Variants in PTPRG observed in about 807,000 individuals in gnomAD.
PTPRG encodes receptor-type tyrosine-protein phosphatase gamma.
Under a neutral mutation model 165.3 loss-of-function variants are expected in PTPRG, and 102 were observed. The observed-to-expected ratio is 0.62, with a 90% CI of 0.53 to 0.73. The LOEUF (loss-of-function observed/expected upper bound fraction) is 0.73, where lower values mean the gene tolerates loss of function less well. Ranked by LOEUF, PTPRG falls within the 30% of genes least tolerant of loss-of-function variation. The pLI is 0.00. For synonymous variants in PTPRG, 675 were observed against 669.5 expected (o/e 1.01, Z -0.13); for missense variants, 1,866 against 1,861.4 (o/e 1.00, Z -0.05).
At chr3:62,145,467 T>G (rs981498267) in intron 6 of PTPRG, among the ~76,000 whole-genome samples, 1 of 152,180 alleles carries the variant, frequency 6.6e-6, no homozygotes, top group African/African-American at 2.4e-5. Flanking sequence ...CCACCATCAC[T>G]GCCCATGTAG....
intron 1 of PTPRG, among the ~76,000 whole-genome samples, chr3:61,632,336 C>G (rs577670787): frequency 7.1e-6 from 1 of 140,574 alleles, no homozygotes; most frequent in Non-Finnish European, 1.5e-5. Context: ...CACACACACA[C>G]AAATCTATAG....
chr3:62,008,341 G>A (rs946797544), intron 4 of PTPRG, among the ~76,000 whole-genome samples: 1 of 152,188 alleles, frequency 6.6e-6, no homozygotes, highest in African/African-American at 2.4e-5. Flanking sequence ...AAGATCACGG[G>A]AGTTGTTGAT....
At chr3:62,205,422 A>G (rs1262904200) in intron 12 of PTPRG, among the ~76,000 whole-genome samples, 1 of 152,238 alleles carries the variant, frequency 6.6e-6, no homozygotes, top group Non-Finnish European at 1.5e-5. Flanking sequence ...TAGGTAACAC[A>G]GACTTCTCTT....
intron 6 of PTPRG, among the ~76,000 whole-genome samples, chr3:62,156,504 G>A (rs1011601651): frequency 3.9e-5 from 6 of 152,124 alleles, no homozygotes; most frequent in African/African-American, 1.4e-4. Flanking sequence ...GCCTTGGTTG[G>A]GCTTCACTTC....
chr3:61,835,295 C>G (rs1256408510), intron 2 of PTPRG, among the ~76,000 whole-genome samples: 1 of 152,142 alleles, frequency 6.6e-6, no homozygotes, highest in African/African-American at 2.4e-5. Flanking sequence ...CTGTTACTTT[C>G]TCCTGCTCCA....
chr3:61,978,654 T>C (rs891857384), intron 2 of PTPRG, among the ~76,000 whole-genome samples: 3 of 152,220 alleles, frequency 2.0e-5, no homozygotes, highest in Admixed American at 6.5e-5. Context: ...ATGTGCTGTA[T>C]TTCTGCCAGG....
At chr3:61,962,196 C>A (rs1406137378) in intron 2 of PTPRG, among the ~76,000 whole-genome samples, 1 of 152,152 alleles carries the variant, frequency 6.6e-6, no homozygotes, top group Non-Finnish European at 1.5e-5. Flanking sequence ...ATATGTTTAA[C>A]ATTGTGGAAG....
At chr3:61,736,451 T>C (rs1177881479) in intron 1 of PTPRG, among the ~76,000 whole-genome samples, 3 of 144,180 alleles carry the variant, frequency 2.1e-5, no homozygotes, top group African/African-American at 7.9e-5. Context: ...TTAACTATTA[T>C]CTTTTTTTTC....
chr3:61,700,965 C>T (rs536899792), intron 1 of PTPRG, among the ~76,000 whole-genome samples: 2 of 152,292 alleles, frequency 1.3e-5, no homozygotes, highest in South Asian at 4.2e-4. Context: ...AAGGCCCTAT[C>T]ATGTAAGGAA....
At chr3:61,600,438 C>T (rs573407261) in intron 1 of PTPRG, among the ~76,000 whole-genome samples, 22 of 152,152 alleles carry the variant, frequency 1.4e-4, no homozygotes, top group South Asian at 8.3e-4. Flanking sequence ...GAGTGATTCA[C>T]GGGATTTGTC....
At chr3:61,816,623 C>G (rs571143392) in intron 2 of PTPRG, among the ~76,000 whole-genome samples, 1 of 152,252 alleles carries the variant, frequency 6.6e-6, no homozygotes, top group South Asian at 2.1e-4. Context: ...CCTAGAATTC[C>G]TTGGACATCT....
At chr3:61,956,961 T>G (rs1270555298) in intron 2 of PTPRG, among the ~76,000 whole-genome samples, 1 of 152,204 alleles carries the variant, frequency 6.6e-6, no homozygotes, top group Admixed American at 6.5e-5. Flanking sequence ...TTGACTTGTT[T>G]AGGGTACATA....
intron 7 of PTPRG, among the ~76,000 whole-genome samples, chr3:62,161,282 C>T (rs1355572533): frequency 6.6e-6 from 1 of 152,074 alleles, no homozygotes; most frequent in Non-Finnish European, 1.5e-5. Context: ...GCCTTTAAAG[C>T]AGGACTGTCT....
chr3:61,600,190 A>ATGTGTGTGTGTGTGTGTGTGTG (rs1293051250), intron 1 of PTPRG, among the ~76,000 whole-genome samples: 1,377 of 117,162 alleles, frequency 0.012, 13 homozygotes, highest in East Asian at 0.024. Context: ...ATATATATAT[A>ATGTGTGTGTGTGTGTGTGTGTG]TATGTGTGTG....
chr3:61,978,370 T>G (rs2040557613), intron 2 of PTPRG, among the ~76,000 whole-genome samples: 1 of 152,264 alleles, frequency 6.6e-6, no homozygotes, highest in African/African-American at 2.4e-5. Flanking sequence ...CCTACTCTAA[T>G]TCTTCCCACA....
chr3:62,221,988 T>C (rs909097729), intron 13 of PTPRG, among the ~76,000 whole-genome samples: 1 of 152,236 alleles, frequency 6.6e-6, no homozygotes, highest in African/African-American at 2.4e-5. Flanking sequence ...CCAACTCATG[T>C]GATTCTCACA....
chr3:62,278,410 C>T (rs1702309004), intron 26 of PTPRG, among the ~76,000 whole-genome samples: 1 of 151,992 alleles, frequency 6.6e-6, no homozygotes, highest in Non-Finnish European at 1.5e-5. Flanking sequence ...ATTTCAGTCT[C>T]TAAACTATAC....
chr3:61,812,444 G>T (rs879301878), intron 2 of PTPRG, among the ~76,000 whole-genome samples: 1 of 152,028 alleles, frequency 6.6e-6, no homozygotes, highest in African/African-American at 2.4e-5. Context: ...GTACATTTTT[G>T]TGGTGTAATG....
intron 2 of PTPRG, among the ~76,000 whole-genome samples, chr3:61,768,389 G>T (rs1449170862): frequency 1.3e-5 from 2 of 152,202 alleles, no homozygotes; most frequent in African/African-American, 4.8e-5. Flanking sequence ...TAGCCTCTGG[G>T]AGTAGAGTTT....
Sources: allele counts gnomAD v4.1 joint callset (sites outside exome capture counted in the v4.1 genomes callset), GRCh38; gene constraint gnomAD v4.1.1; transcripts MANE v1.5; gene names NCBI Gene and HGNC (gene_info 2026-07-23, HGNC 2026-07-21).